The following NCOA2 variants were observed in gnomAD, a reference collection of about 807,000 sequenced individuals.
The protein encoded by NCOA2 is class E basic helix-loop-helix protein 75.
In NCOA2, 21 loss-of-function variants were observed where a neutral mutation model predicts 145.1. The observed-to-expected ratio is 0.14, with a 90% CI of 0.10 to 0.21. NCOA2 has a LOEUF of 0.21. Ranked by LOEUF, NCOA2 falls within the 10% of genes least tolerant of loss-of-function variation. NCOA2 has a pLI of 1.00. For missense variants in NCOA2, 1,472 were observed against 1,837.6 expected (o/e 0.80, Z 3.64); for synonymous variants, 619 against 637.5 (o/e 0.97, Z 0.44).
At chr8:70,357,005 G>A (rs1809762807) in intron 1 of NCOA2, among the ~76,000 whole-genome samples, 1 of 152,122 alleles carries the variant, frequency 6.6e-6, no homozygotes, top group African/African-American at 2.4e-5. Flanking sequence ...TTCTTTGAGG[G>A]TAGCTTCTAC....
the NCOA2 span, among the ~76,000 whole-genome samples, chr8:70,451,389 CAG>C: frequency 9.9e-6 from 1 of 101,018 alleles, no homozygotes; most frequent in Non-Finnish European, 1.8e-5. Context: ...GCCTGGATGA[CAG>C]AGTGAGACCA....
chr8:70,348,517 CAGACAGGGAGGTGTTACAGT>C (rs1378324626), intron 1 of NCOA2, among the ~76,000 whole-genome samples: 1 of 152,146 alleles, frequency 6.6e-6, no homozygotes, highest in African/African-American at 2.4e-5. Flanking sequence ...TAGATTCAAT[CAGACAGGGAGGTGTTACAGT>C]AGTCCAGGTA....
Position 70,156,593 on chromosome 8 carries a change from T to A in NCOA2, c.1772A>T (p.Glu591Val). ...DSKDCFGLYG[E>V]PSEGTTGQAE... ...TTGTCCAGTTGTACCTTCAGAGGGC[T>A]CCCCATATAGTCCAAAACAGTCTTT... Residue 591 changes from glutamate to valine, a missense_variant, in exon 11 of 23, where the codon GAG becomes GTG. By Grantham distance (121) the Glu-to-Val change is moderately radical. Coordinates refer to ENST00000452400, the MANE Select transcript of NCOA2 (RefSeq NM_006540.4). 3 of 1,613,910 alleles carry A rather than the reference T, an allele frequency of 1.9e-6. No individual in the cohort carries two copies. The highest frequency in any genetic ancestry group is 2.5e-6 in the Non-Finnish European group (3 of 1,179,876).
the NCOA2 span, among the ~76,000 whole-genome samples, chr8:70,420,939 G>T: frequency 2.0e-5 from 3 of 152,008 alleles, no homozygotes; most frequent in Non-Finnish European, 2.9e-5. Context: ...CACTGCACCC[G>T]GCCAGAAGTG....
At chr8:70,422,019 A>G in the NCOA2 span, among the ~76,000 whole-genome samples, 40 of 151,886 alleles carry the variant, frequency 2.6e-4, no homozygotes, top group African/African-American at 8.7e-4. Context: ...TGCTTGAACC[A>G]GGGAGGTGGA....
intron 1 of NCOA2, among the ~76,000 whole-genome samples, chr8:70,365,153 C>T (rs974785986): frequency 1.3e-5 from 2 of 151,836 alleles, no homozygotes; most frequent in African/African-American, 2.4e-5. Context: ...GGCAAAATGA[C>T]GAAACCCCAT....
intron 1 of NCOA2, among the ~76,000 whole-genome samples, chr8:70,357,822 G>A (rs763670370): frequency 9.2e-5 from 14 of 152,044 alleles, no homozygotes; most frequent in Admixed American, 2.0e-4. Context: ...AGGCCAAGGC[G>A]AGTGGATCAC....
the NCOA2 span, among the ~76,000 whole-genome samples, chr8:70,421,343 G>T: frequency 6.6e-6 from 1 of 152,074 alleles, no homozygotes. Flanking sequence ...TTGAAGCCAA[G>T]AGTTCAAGAC....
At chr8:70,297,437 G>A (rs760577026) in intron 1 of NCOA2, among the ~76,000 whole-genome samples, 3 of 152,280 alleles carry the variant, frequency 2.0e-5, no homozygotes, top group Admixed American at 6.5e-5. Context: ...AGGCTCAGGT[G>A]ATCCTCCCGC....
At chr8:70,376,883 A>C (rs1811716478) in intron 1 of NCOA2, among the ~76,000 whole-genome samples, 1 of 152,306 alleles carries the variant, frequency 6.6e-6, no homozygotes, top group East Asian at 1.9e-4. Context: ...GAGAAAGTCA[A>C]TCTCATAGTC....
chr8:70,399,236 T>G (rs950427422), intron 1 of NCOA2, among the ~76,000 whole-genome samples: 1 of 152,208 alleles, frequency 6.6e-6, no homozygotes, highest in Non-Finnish European at 1.5e-5. Context: ...CAGCTTGCAA[T>G]TCATAAAGCC....
intron 21 of NCOA2, among the ~76,000 whole-genome samples, chr8:70,122,894 A>G (rs1807980138): frequency 1.3e-5 from 2 of 152,214 alleles, no homozygotes; most frequent in South Asian, 4.1e-4. Flanking sequence ...AGTCATTTAC[A>G]CTTTCCATAC....
intron 2 of NCOA2, among the ~76,000 whole-genome samples, chr8:70,285,775 T>C (rs1055058352): frequency 1.1e-4 from 17 of 152,204 alleles, no homozygotes; most frequent in African/African-American, 3.6e-4. Context: ...ACAGACTAAA[T>C]TGAAAAATGC....
the NCOA2 span, among the ~76,000 whole-genome samples, chr8:70,451,957 G>GTGTTTGTTTGTT: frequency 2.0e-5 from 3 of 151,196 alleles, no homozygotes; most frequent in Non-Finnish European, 4.4e-5. Context: ...GGCATTTAAG[G>GTGTTTGTTTGTT]TGTTTGTTTG....
rs573070472 is a variant in NCOA2 at position 70,153,311 on chromosome 8, T to C, written c.2394+2660A>G. On this transcript the variant is annotated intron_variant, in intron 11 of 22. Transcript: ENST00000452400. Reference sequence around the variant, plus strand: ...CCCAAAAAAACAGATCTGTGCTGATTACACTCTGGACTTTATGTTTCCTAG... The same window carrying C: ...CCCAAAAAAACAGATCTGTGCTGATCACACTCTGGACTTTATGTTTCCTAG... Among the ~76,000 whole-genome samples, 42 of 152,322 alleles carry C rather than the reference T, an allele frequency of 2.8e-4. 1 individual carries two copies. In the South Asian group the frequency reaches 8.5e-3, roughly 31 times the overall value.
At chr8:70,404,570 C>T (rs533119288), upstream of NCOA2, among the ~76,000 whole-genome samples, 28 of 152,240 alleles carry the variant, frequency 1.8e-4, no homozygotes, top group Non-Finnish European at 3.5e-4. Flanking sequence ...CATTGCAGTC[C>T]TAGCTCCAGA....
intron 2 of NCOA2, among the ~76,000 whole-genome samples, chr8:70,285,836 C>G (rs780956386): frequency 7.9e-5 from 12 of 152,134 alleles, no homozygotes; most frequent in Non-Finnish European, 1.5e-4. Context: ...ATGTAATCAA[C>G]AAGTTCCATT....
At chr8:70,217,583 T>C (rs572622841) in intron 2 of NCOA2, among the ~76,000 whole-genome samples, 2 of 152,162 alleles carry the variant, frequency 1.3e-5, no homozygotes, top group South Asian at 2.1e-4. Flanking sequence ...GGAAGAACCA[T>C]GATCAGCTCC....
intron 2 of NCOA2, among the ~76,000 whole-genome samples, chr8:70,240,609 C>T (rs1822042705): frequency 1.3e-5 from 2 of 152,120 alleles, no homozygotes; most frequent in South Asian, 4.1e-4. Context: ...TGTGATGTGC[C>T]TTATGAGAAA....
Sources: allele counts gnomAD v4.1 joint callset (sites outside exome capture counted in the v4.1 genomes callset), GRCh38; gene constraint gnomAD v4.1.1; transcripts MANE v1.5; gene names NCBI Gene and HGNC (gene_info 2026-07-23, HGNC 2026-07-21).